Variants in TYW1 observed in about 807,000 individuals in gnomAD.
TYW1 encodes the protein tRNA-yW synthesizing protein 1 homolog, also known as S-adenosyl-L-methionine-dependent tRNA 4-demethylwyosine synthase TYW1.
TYW1 carries 46 observed loss-of-function variants against 96.2 expected under a neutral mutation model. The observed-to-expected ratio is 0.48, with a 90% confidence interval of 0.38 to 0.61. The LOEUF (loss-of-function observed/expected upper bound fraction) is 0.61. TYW1 is among the 20% of genes least tolerant of loss of function. TYW1 has a pLI of 0.00. For missense variants in TYW1, 684 were observed against 909.6 expected, an observed-to-expected ratio of 0.75 and a Z score of 3.19; for synonymous variants, 274 against 323.0, an observed-to-expected ratio of 0.85 and a Z score of 1.63.
intron 12 of TYW1, among the ~76,000 whole-genome samples, chr7:67,100,730 G>T (rs1172985963): frequency 6.6e-6 from 1 of 151,792 alleles, no homozygotes; most frequent in Non-Finnish European, 1.5e-5. Flanking sequence ...CAGGCATGGT[G>T]GCAGTTGTCT....
At chr7:67,081,079 T>A (rs1796378849) in intron 10 of TYW1, among the ~76,000 whole-genome samples, 1 of 151,570 alleles carries the variant, frequency 6.6e-6, no homozygotes, top group South Asian at 2.1e-4. Context: ...TGATGGTAAT[T>A]ATTCTTTCAC....
chr7:67,076,481 T>A (rs1796210102), intron 10 of TYW1, among the ~76,000 whole-genome samples: 1 of 136,258 alleles, frequency 7.3e-6, no homozygotes, highest in Non-Finnish European at 1.7e-5. Flanking sequence ...GGTATGTGAA[T>A]TTTTTTTTTT....
intron 14 of TYW1, among the ~76,000 whole-genome samples, chr7:67,191,276 A>G (rs572435548): frequency 2.8e-4 from 42 of 152,350 alleles, no homozygotes; most frequent in Middle Eastern, 3.4e-3. Context: ...TAGCCACAGT[A>G]TAGCAGCCCC....
intron 6 of TYW1, among the ~76,000 whole-genome samples, chr7:67,020,564 C>A (rs894569292): frequency 6.6e-5 from 10 of 152,354 alleles, no homozygotes; most frequent in African/African-American, 2.4e-4. Flanking sequence ...ACAAATCAGA[C>A]CATGTTAACC....
rs117713819 is a variant in TYW1, at chr7:67,052,046, C to T, written c.1102+1980C>T. Reference sequence around the variant, plus strand: ...TTTTGTTTGTTCCTTTAAATAGGATCCTCCTTCTCCCAACCCCCTGCTACT... The same window carrying T: ...TTTTGTTTGTTCCTTTAAATAGGATTCTCCTTCTCCCAACCCCCTGCTACT... On this transcript the variant is annotated intron_variant, in intron 8 of 15. Transcript: ENST00000359626. Among the ~76,000 whole-genome samples the T allele has an allele frequency of 3.7e-3, 569 of 152,154 alleles. 3 individuals are homozygous for T. The highest frequency in any genetic ancestry group is 0.016 in the Admixed American group (245 of 15,270).
intron 10 of TYW1, among the ~76,000 whole-genome samples, chr7:67,069,438 G>T (rs2115683466): frequency 6.6e-6 from 1 of 152,234 alleles, no homozygotes; most frequent in South Asian, 2.1e-4. Flanking sequence ...AAATAGAGGA[G>T]TTACAATCCA....
At chr7:67,219,217 A>G (rs1166359844) in intron 15 of TYW1, among the ~76,000 whole-genome samples, 1 of 152,210 alleles carries the variant, frequency 6.6e-6, no homozygotes, top group Non-Finnish European at 1.5e-5. Context: ...ACATGGATCC[A>G]TCCTTGCATT....
chr7:67,172,430 C>CCT (rs777213368), intron 13 of TYW1, among the ~76,000 whole-genome samples: 20 of 144,010 alleles, frequency 1.4e-4, no homozygotes, highest in Admixed American at 4.2e-4. Context: ...CCTTACCATT[C>CCT]TTTTTTTTGA....
intron 15 of TYW1, among the ~76,000 whole-genome samples, chr7:67,226,559 T>G (rs1275526695): frequency 6.6e-6 from 1 of 152,174 alleles, no homozygotes; most frequent in Non-Finnish European, 1.5e-5. Flanking sequence ...CCTGGCTCAC[T>G]GGCTTCCCCC....
intron 13 of TYW1, among the ~76,000 whole-genome samples, chr7:67,132,300 T>C (rs10232493): frequency 0.27 from 40,048 of 149,058 alleles, 6,172 homozygotes; most frequent in African/African-American, 0.42. Flanking sequence ...TGTAGAGATA[T>C]GGTCTCACTG....
At chr7:67,068,168 C>T (rs1219866181) in intron 10 of TYW1, among the ~76,000 whole-genome samples, 11 of 152,010 alleles carry the variant, frequency 7.2e-5, no homozygotes, top group Non-Finnish European at 1.3e-4. Context: ...ACTACAGGTG[C>T]GCACCACCAT....
At chr7:67,196,909 G>T (rs1280432636) in intron 15 of TYW1, among the ~76,000 whole-genome samples, 1 of 152,142 alleles carries the variant, frequency 6.6e-6, no homozygotes, top group Admixed American at 6.5e-5. Flanking sequence ...AAGGGACACA[G>T]TGCTCAGACA....
At chr7:67,173,942 T>C (rs111706057) in intron 13 of TYW1, among the ~76,000 whole-genome samples, 10,210 of 110,142 alleles carry the variant, frequency 0.093, 1,248 homozygotes, top group African/African-American at 0.21. Context: ...TTTTCAAATG[T>C]TGAATCAGCC....
At chr7:67,185,428 C>T (rs1815058) in intron 14 of TYW1, among the ~76,000 whole-genome samples, 50,206 of 150,514 alleles carry the variant, frequency 0.33, 9,206 homozygotes, top group African/African-American at 0.5. Flanking sequence ...GGACTAGGGC[C>T]GGAGAGCCGT....
At chr7:67,002,806 A>G (rs781019179) in intron 3 of TYW1, among the ~76,000 whole-genome samples, 59 of 135,256 alleles carry the variant, frequency 4.4e-4, no homozygotes, top group Non-Finnish European at 5.2e-4. Flanking sequence ...TGTGTCTCAG[A>G]TCTTTTCTCT....
intron 11 of TYW1, among the ~76,000 whole-genome samples, chr7:67,095,660 A>AAACAACAACAACAAC (rs56747081): frequency 1.5e-5 from 2 of 136,556 alleles, no homozygotes; most frequent in African/African-American, 2.9e-5. Flanking sequence ...TCTGTCTCAA[A>AAACAACAACAACAAC]AACAACAACA....
intron 2 of TYW1, 90 bp from the exon 3 acceptor site, chr7:66,998,727 A>C: frequency 1.4e-6 from 2 of 1,411,554 alleles, no homozygotes; most frequent in Non-Finnish European, 2.0e-6. Context: ...GAAAAATAAA[A>C]TGTGTCAGTA....
intron 9 of TYW1, among the ~76,000 whole-genome samples, chr7:67,060,322 C>T (rs544168506): frequency 2.0e-5 from 3 of 152,090 alleles, no homozygotes; most frequent in East Asian, 1.9e-4. Flanking sequence ...GTGATCCGTC[C>T]GCCTTGGCCT....
chr7:67,202,166 A>G (rs1261261923), intron 15 of TYW1, among the ~76,000 whole-genome samples: 1 of 151,782 alleles, frequency 6.6e-6, no homozygotes. Flanking sequence ...ATCTCGGAGT[A>G]TGCAGATCTT....
Sources: allele counts gnomAD v4.1 joint callset (sites outside exome capture counted in the v4.1 genomes callset), GRCh38; gene constraint gnomAD v4.1.1; transcripts MANE v1.5; gene names NCBI Gene and HGNC (gene_info 2026-07-23, HGNC 2026-07-21).